Variants in CACNA1C observed in about 807,000 individuals in gnomAD.
CACNA1C encodes calcium voltage-gated channel subunit alpha1 C, also known as voltage-dependent L-type calcium channel subunit alpha-1C.
In CACNA1C, 30 loss-of-function variants were observed where a neutral mutation model predicts 229.0. That is an observed-to-expected ratio of 0.13 (90% confidence interval 0.10 to 0.18). The LOEUF (loss-of-function observed/expected upper bound fraction) is 0.18. Among genes scored for constraint, CACNA1C ranks in the 10% least tolerant of loss-of-function variants. The probability of loss-of-function intolerance (pLI) is 1.00; values close to 1 mark genes in which losing one functional copy is unlikely to be tolerated. For missense variants in CACNA1C, 1,658 were observed against 2,845.0 expected (o/e 0.58, Z 9.49); for synonymous variants, 1,114 against 1,132.5 (o/e 0.98, Z 0.33).
chr12:2,045,774 C>T (rs954930938), intron 1 of CACNA1C, among the ~76,000 whole-genome samples: 10 of 152,026 alleles, frequency 6.6e-5, no homozygotes, highest in Admixed American at 1.3e-4. Context: ...GAATAGCAGC[C>T]GCTCAGAATG....
intron 43 of CACNA1C, among the ~76,000 whole-genome samples, chr12:2,684,954 C>T (rs145913636): frequency 5.3e-5 from 8 of 152,268 alleles, no homozygotes; most frequent in African/African-American, 1.9e-4. Flanking sequence ...TCAGTGGTCT[C>T]ATCTGGGAAT....
At chr12:2,598,395 T>A (rs2069777553) in intron 21 of CACNA1C, among the ~76,000 whole-genome samples, 1 of 152,034 alleles carries the variant, frequency 6.6e-6, no homozygotes, top group Admixed American at 6.5e-5. Context: ...TATTTCTGAG[T>A]CTCTAAACCA....
At chr12:2,370,162 A>G (rs1237401836) in intron 3 of CACNA1C, among the ~76,000 whole-genome samples, 1 of 152,238 alleles carries the variant, frequency 6.6e-6, no homozygotes, top group African/African-American at 2.4e-5. Context: ...AAATTAAAAG[A>G]AGATGCTATT....
intron 3 of CACNA1C, among the ~76,000 whole-genome samples, chr12:2,349,165 T>G (rs1436027337): frequency 1.3e-5 from 2 of 152,054 alleles, no homozygotes; most frequent in Non-Finnish European, 2.9e-5. Flanking sequence ...ACGGGAGGGG[T>G]CTGCTCTAAT....
chr12:2,462,216 C>CAT (rs1567827902), intron 5 of CACNA1C, among the ~76,000 whole-genome samples: 25 of 149,922 alleles, frequency 1.7e-4, no homozygotes, highest in Non-Finnish European at 3.0e-4. Flanking sequence ...CAGCTCTCTG[C>CAT]ACAGGCCTGC....
chr12:2,520,861 A>C (rs112622622), intron 9 of CACNA1C, among the ~76,000 whole-genome samples: 194 of 128,292 alleles, frequency 1.5e-3, no homozygotes, highest in African/African-American at 2.3e-3. Flanking sequence ...CTTCTCATTG[A>C]CCAATGGCCG....
At chr12:2,465,179 A>G (rs1382219536) in intron 5 of CACNA1C, among the ~76,000 whole-genome samples, 3 of 152,236 alleles carry the variant, frequency 2.0e-5, no homozygotes, top group Non-Finnish European at 4.4e-5. Context: ...ACATTATATT[A>G]TATTACATAT....
Position 2,277,762 on chromosome 12 carries a change from C to T in CACNA1C, c.477+157332C>T, listed in dbSNP as rs1176425518. Among the ~76,000 whole-genome samples, 3 of 152,352 alleles carry T rather than the reference C, an allele frequency of 2.0e-5. No homozygotes were observed. In the East Asian group the frequency reaches 5.8e-4, roughly 29 times the overall value. The stretch of plus-strand genomic sequence containing the variant: ...CACAGGAGATGGCTCCTGTCCTCCC[C>T]ATCTCCCTCCCACCATAACCGCTCA... On this transcript the variant is annotated intron_variant, in intron 3 of 46. Transcript: ENST00000399655.
chr12:2,010,094 C>T (rs1029648928), intron 1 of CACNA1C, among the ~76,000 whole-genome samples: 4 of 152,066 alleles, frequency 2.6e-5, no homozygotes, highest in African/African-American at 9.7e-5. Flanking sequence ...AGCCCAGAAG[C>T]GATACTTTTA....
chr12:2,528,402 T>A (rs1008706793), intron 9 of CACNA1C, among the ~76,000 whole-genome samples: 1 of 152,240 alleles, frequency 6.6e-6, no homozygotes, highest in South Asian at 2.1e-4. Context: ...CAGTTGATTC[T>A]AGCTTCTTAA....
At chr12:2,546,573 G>A (rs1171242364) in intron 9 of CACNA1C, among the ~76,000 whole-genome samples, 1 of 152,008 alleles carries the variant, frequency 6.6e-6, no homozygotes, top group Non-Finnish European at 1.5e-5. Context: ...GCAGTGGCAG[G>A]TGTCTTCGTG....
At position 2,575,895 on chromosome 12, in the gene CACNA1C, C is replaced by T. The variant is rs141531698; in HGVS notation, c.1896-5695C>T. Among the ~76,000 whole-genome samples the T allele has an allele frequency of 3.9e-3, 597 of 152,202 alleles. 1 individual carries two copies. Among genetic ancestry groups the T allele is most frequent in the Non-Finnish European group, 6.5e-3 (444 of 68,028 alleles). ...TGAAAGTTCCAGTTCAAGGAAGGCT[C>T]GGGTCACTTTATATTATAGAAGAGG... On this transcript the variant is annotated intron_variant, in intron 13 of 46. Coordinates refer to ENST00000399655, the MANE Select transcript of CACNA1C (RefSeq NM_000719.7). The surrounding 1 kb of genome is among the most constrained non-coding windows in gnomAD (Gnocchi z 4.0).
At chr12:2,217,808 A>T (rs1360257153) in intron 3 of CACNA1C, 1 of 152,168 alleles carries the variant, frequency 6.6e-6, no homozygotes, top group Non-Finnish European at 1.5e-5. Context: ...GATCGGTGTG[A>T]CCTTGGGCCT....
intron 3 of CACNA1C, among the ~76,000 whole-genome samples, chr12:2,446,599 G>A (rs1423019341): frequency 6.6e-6 from 1 of 150,556 alleles, no homozygotes; most frequent in East Asian, 2.0e-4. Context: ...GAATGGGTGG[G>A]TGGCTGGCTG....
intron 3 of CACNA1C, among the ~76,000 whole-genome samples, chr12:2,447,818 C>A (rs1457645630): frequency 6.6e-5 from 10 of 152,244 alleles, no homozygotes; most frequent in Non-Finnish European, 1.0e-4. Flanking sequence ...CCCACATGCA[C>A]ACACCAGAGC....
chr12:2,088,806 C>T (rs909561855), intron 1 of CACNA1C, among the ~76,000 whole-genome samples: 3 of 151,972 alleles, frequency 2.0e-5, no homozygotes, highest in Admixed American at 6.6e-5. Flanking sequence ...CATCAACACA[C>T]GGGGAAAGCA....
At chr12:2,440,615 C>T (rs2154560935) in intron 3 of CACNA1C, among the ~76,000 whole-genome samples, 1 of 152,316 alleles carries the variant, frequency 6.6e-6, no homozygotes, top group East Asian at 1.9e-4. Context: ...CAGGCTTTTA[C>T]CTGCCCAGCA....
At chr12:2,066,087 G>A (rs1489519027) in intron 1 of CACNA1C, among the ~76,000 whole-genome samples, 1 of 152,156 alleles carries the variant, frequency 6.6e-6, no homozygotes. Flanking sequence ...CGAGGCTGCA[G>A]GTAGAGGGGC....
chr12:2,418,491 G>A (rs567836805), intron 3 of CACNA1C, among the ~76,000 whole-genome samples: 2 of 152,308 alleles, frequency 1.3e-5, no homozygotes, highest in East Asian at 3.9e-4. Context: ...GCCCACAGCA[G>A]ACTGTTGCTC....
Sources: gnomAD v4.1 joint callset for allele counts (sites outside exome capture counted in the v4.1 genomes callset) on GRCh38, gnomAD v4.1.1 for gene constraint, Gnocchi (gnomAD v3.1) non-coding constraint, MANE v1.5 for transcripts, NCBI Gene and HGNC (gene_info 2026-07-23, HGNC 2026-07-21) for gene names.